The following ENTREP2 variants were observed in gnomAD, a reference collection of about 807,000 sequenced individuals.
The protein encoded by ENTREP2 is endosomal transmembrane epsin interactor 2.
the ENTREP2 span, among the ~76,000 whole-genome samples, chr15:29,556,360 TAA>T: frequency 2.0e-5 from 3 of 152,136 alleles, no homozygotes; most frequent in Non-Finnish European, 2.9e-5. Context: ...GAAACAGCAA[TAA>T]GAGTCAATCC....
At chr15:29,208,124 C>T in the ENTREP2 span, among the ~76,000 whole-genome samples, 1 of 151,986 alleles carries the variant, frequency 6.6e-6, no homozygotes, top group Non-Finnish European at 1.5e-5. Flanking sequence ...CCACACATCC[C>T]ACCATTTCCC....
At chr15:29,230,223 G>C in the ENTREP2 span, among the ~76,000 whole-genome samples, 4,706 of 152,232 alleles carry the variant, frequency 0.031, 246 homozygotes, top group African/African-American at 0.11. Flanking sequence ...TGGCCTCTTA[G>C]ATGTTCTTGG....
At chr15:29,179,787 G>A in the ENTREP2 span, among the ~76,000 whole-genome samples, 2 of 151,756 alleles carry the variant, frequency 1.3e-5, no homozygotes, top group African/African-American at 2.4e-5. Flanking sequence ...GGGTTTCACC[G>A]TGTTAGCCAG....
At chr15:29,337,612 T>C in the ENTREP2 span, among the ~76,000 whole-genome samples, 1 of 152,292 alleles carries the variant, frequency 6.6e-6, no homozygotes, top group African/African-American at 2.4e-5. Flanking sequence ...CATTTCCACA[T>C]TCCCTGTGGC....
chr15:29,535,341 G>C, the ENTREP2 span, among the ~76,000 whole-genome samples: 3 of 151,754 alleles, frequency 2.0e-5, no homozygotes, highest in Non-Finnish European at 4.4e-5. Flanking sequence ...CTTTTTCTTT[G>C]TATAATAAAA....
At chr15:29,474,536 T>G in the ENTREP2 span, among the ~76,000 whole-genome samples, 20 of 152,106 alleles carry the variant, frequency 1.3e-4, no homozygotes, top group African/African-American at 4.8e-4. Flanking sequence ...GGCCACACAG[T>G]TCAAGGTCAT....
the ENTREP2 span, among the ~76,000 whole-genome samples, chr15:29,406,017 G>A: frequency 6.6e-6 from 1 of 152,304 alleles, no homozygotes; most frequent in South Asian, 2.1e-4. Flanking sequence ...TCTAACTCCT[G>A]TTAACATGTG....
chr15:29,181,538 T>C, the ENTREP2 span, among the ~76,000 whole-genome samples: 1 of 152,182 alleles, frequency 6.6e-6, no homozygotes. Context: ...AAGTAGATTT[T>C]CATAATTATA....
chr15:29,300,024 T>G, the ENTREP2 span, among the ~76,000 whole-genome samples: 1 of 137,720 alleles, frequency 7.3e-6, no homozygotes, highest in African/African-American at 2.8e-5. Flanking sequence ...TGGATGGATG[T>G]ATGGGTGAAT....
chr15:29,353,190 CA>C, the ENTREP2 span, among the ~76,000 whole-genome samples: 1 of 152,028 alleles, frequency 6.6e-6, no homozygotes, highest in African/African-American at 2.4e-5. Flanking sequence ...CCCCATTGCA[CA>C]GAATGGCAAT....
At chr15:29,620,977 T>C in the ENTREP2 span, among the ~76,000 whole-genome samples, 13 of 152,216 alleles carry the variant, frequency 8.5e-5, no homozygotes, top group African/African-American at 2.2e-4. Context: ...ATCCCAGGCA[T>C]GTGGGAGGAG....
the ENTREP2 span, among the ~76,000 whole-genome samples, chr15:29,243,123 C>T: frequency 6.6e-6 from 1 of 152,174 alleles, no homozygotes; most frequent in Non-Finnish European, 1.5e-5. Context: ...GTAAGAAGCT[C>T]TCTCGCCATG....
chr15:29,660,716 G>C, the ENTREP2 span, among the ~76,000 whole-genome samples: 1 of 152,180 alleles, frequency 6.6e-6, no homozygotes, highest in African/African-American at 2.4e-5. Flanking sequence ...TTTTAAAGTA[G>C]CACTTTATTG....
At chr15:29,553,910 G>A in the ENTREP2 span, among the ~76,000 whole-genome samples, 618 of 152,254 alleles carry the variant, frequency 4.1e-3, 3 homozygotes, top group African/African-American at 0.014. Flanking sequence ...CAGCAGAGCC[G>A]TTCCAAATTC....
At chr15:29,418,648 AAC>A in the ENTREP2 span, among the ~76,000 whole-genome samples, 1 of 152,244 alleles carries the variant, frequency 6.6e-6, no homozygotes, top group Non-Finnish European at 1.5e-5. Flanking sequence ...CAGTAAGAAC[AAC>A]AGGAAAAGCT....
the ENTREP2 span, among the ~76,000 whole-genome samples, chr15:29,672,458 T>C: frequency 6.6e-6 from 1 of 152,214 alleles, no homozygotes. Context: ...AAAAACACTG[T>C]TGCATTCTCT....
At chr15:29,458,319 ATCT>A in the ENTREP2 span, among the ~76,000 whole-genome samples, 1 of 152,142 alleles carries the variant, frequency 6.6e-6, no homozygotes, top group East Asian at 1.9e-4. Context: ...GCAAGGGCAG[ATCT>A]TCTTTCCTCA....
At chr15:29,219,971 C>T in the ENTREP2 span, among the ~76,000 whole-genome samples, 5 of 151,706 alleles carry the variant, frequency 3.3e-5, no homozygotes, top group African/African-American at 4.9e-5. Context: ...AAAGATCCTA[C>T]GCATGCAACC....
chr15:29,650,826 T>C, the ENTREP2 span, among the ~76,000 whole-genome samples: 3 of 152,124 alleles, frequency 2.0e-5, no homozygotes, highest in South Asian at 2.1e-4. Context: ...CTGAGCAACA[T>C]AGCAAGACCC....
Sources: allele counts gnomAD v4.1 joint callset (sites outside exome capture counted in the v4.1 genomes callset), GRCh38; gene constraint gnomAD v4.1.1; transcripts MANE v1.5; gene names NCBI Gene and HGNC (gene_info 2026-07-23, HGNC 2026-07-21).